VPS13B: variants seen among roughly 807,000 people sequenced by gnomAD.
VPS13B encodes the protein intermembrane lipid transfer protein VPS13B.
Under a neutral mutation model 426.4 loss-of-function variants are expected in VPS13B, and 285 were observed. The ratio of observed to expected loss-of-function variants is 0.67; its 90% CI spans 0.61 to 0.74. The LOEUF (loss-of-function observed/expected upper bound fraction) is 0.74, where lower values mean the gene tolerates loss of function less well. Among genes scored for constraint, VPS13B ranks in the 30% least tolerant of loss-of-function variants. The pLI, the probability that VPS13B is intolerant of heterozygous loss-of-function variation, is 0.00. For missense variants in VPS13B, 4,537 were observed against 4,782.6 expected, an observed-to-expected ratio of 0.95 and a Z score of 1.51; for synonymous variants, 1,676 against 1,676.4, an observed-to-expected ratio of 1.00 and a Z score of 0.01.
intron 7 of VPS13B, 38 bp downstream of exon 7, chr8:99,115,912 A>G: frequency 1.3e-6 from 2 of 1,598,524 alleles, no homozygotes; most frequent in South Asian, 2.2e-5. Flanking sequence ...CTTTATTTTA[A>G]GACTATTCTT....
chr8:99,503,905 T>C (rs1821362962), intron 27 of VPS13B, among the ~76,000 whole-genome samples: 1 of 152,252 alleles, frequency 6.6e-6, no homozygotes, highest in African/African-American at 2.4e-5. Flanking sequence ...TAATGGTGTC[T>C]ACAGTGGTGA....
At position 99,038,560 on chromosome 8, in the gene VPS13B, G is replaced by A. The variant is rs2132222228; in HGVS notation, c.285G>A (p.Gly95=). ...TMECILKLKD[G]IQDDHESCGS... ...AATGCATTTTGAAACTTAAGGATGGGATACAGGTAAGAAATTATTGAACCA... is the reference window on the plus strand; with the variant it reads ...AATGCATTTTGAAACTTAAGGATGGAATACAGGTAAGAAATTATTGAACCA... The change falls in exon 3 of 62, where the codon GGG becomes GGA. Residue 95 remains glycine, a synonymous_variant. Transcript: ENST00000357162. The A allele has an allele frequency of 6.2e-7, 1 of 1,611,896 alleles. No homozygotes were observed. Among genetic ancestry groups the A allele is most frequent in the Admixed American group, 1.7e-5 (1 of 59,964 alleles).
At chr8:99,772,167 C>T (rs1240330847) in intron 40 of VPS13B, among the ~76,000 whole-genome samples, 6 of 150,732 alleles carry the variant, frequency 4.0e-5, no homozygotes, top group Non-Finnish European at 5.9e-5. Context: ...CTCTCTATGT[C>T]GTATTGCCTA....
chr8:99,594,814 G>A (rs1038001369), intron 33 of VPS13B, among the ~76,000 whole-genome samples: 5 of 152,034 alleles, frequency 3.3e-5, no homozygotes, highest in Admixed American at 2.0e-4. Context: ...ACAGAAGGAT[G>A]TGTGTATCCC....
chr8:99,502,968 AAT>A lies in VPS13B; in HGVS notation c.4157+22_4157+23del. ...AGAAGCAGGTAAATAATGAATAATG[AAT>A]ATAAGAAAATCTGTATTTTTCTTTG... On this transcript the variant is annotated intron_variant, in intron 27 of 61. Coordinates refer to ENST00000357162, the MANE Select transcript of VPS13B (RefSeq NM_152564.5). The A allele has an allele frequency of 6.5e-7, 1 of 1,528,576 alleles. No homozygotes were observed. The highest frequency in any genetic ancestry group is 9.1e-7 in the Non-Finnish European group (1 of 1,104,826). 94.7% of individuals were successfully genotyped at this position (1,528,576 alleles called of 1,614,324 possible). A position where few individuals can be genotyped will look rare whatever the true frequency, so the allele number is the denominator to read the frequency against.
chr8:99,741,912 G>C (rs1296747960), intron 39 of VPS13B, among the ~76,000 whole-genome samples: 6 of 152,076 alleles, frequency 3.9e-5, no homozygotes, highest in Non-Finnish European at 8.8e-5. Context: ...ACAATTAAAA[G>C]AACTAGAGAA....
At chr8:99,309,106 A>C (rs1440003015) in intron 19 of VPS13B, among the ~76,000 whole-genome samples, 1 of 152,124 alleles carries the variant, frequency 6.6e-6, no homozygotes, top group South Asian at 2.1e-4. Flanking sequence ...AGTAGATTGC[A>C]AAAATTTTCT....
In VPS13B at chr8:99,812,660, T is replaced by C. The variant is rs556501935; in HGVS notation, c.8097+3130T>C. Among the ~76,000 whole-genome samples the C allele has an allele frequency of 1.6e-3, 246 of 152,364 alleles. 1 individual carries two copies. Among genetic ancestry groups the C allele is most frequent in the African/African-American group, 5.5e-3 (228 of 41,590 alleles). ...CTTTGTATGTTCTACAACTACTATG[T>C]ACACACATTTGCTTCCATGTTTCCC... On this transcript the variant is annotated intron_variant, in intron 44 of 61. Coordinates refer to ENST00000357162, the MANE Select transcript of VPS13B (RefSeq NM_152564.5).
At chr8:99,705,927 G>A (rs1003269725) in intron 36 of VPS13B, among the ~76,000 whole-genome samples, 3 of 152,066 alleles carry the variant, frequency 2.0e-5, no homozygotes, top group Non-Finnish European at 2.9e-5. Context: ...GCGATCTCAT[G>A]TGCTGTGGTG....
At chr8:99,536,605 G>T (rs1233447486) in intron 30 of VPS13B, 2 of 530,750 alleles carry the variant, frequency 3.8e-6, no homozygotes, top group Admixed American at 3.9e-5. Context: ...TTTGTATCCT[G>T]GGACCCCATT....
At chr8:99,331,921 A>C (rs1294903959) in intron 19 of VPS13B, among the ~76,000 whole-genome samples, 1 of 151,786 alleles carries the variant, frequency 6.6e-6, no homozygotes, top group Non-Finnish European at 1.5e-5. Flanking sequence ...TAGTAATTTA[A>C]GATAAAGGAA....
chr8:99,585,020 C>T (rs891501835), intron 33 of VPS13B, among the ~76,000 whole-genome samples: 3 of 152,084 alleles, frequency 2.0e-5, no homozygotes, highest in African/African-American at 7.2e-5. Context: ...GCCTAAACTT[C>T]ATTTAGATTA....
intron 19 of VPS13B, among the ~76,000 whole-genome samples, chr8:99,298,155 G>GGGCCTATTTATCTCTA (rs1820144230): frequency 1.3e-5 from 2 of 152,174 alleles, no homozygotes; most frequent in Non-Finnish European, 2.9e-5. Flanking sequence ...TAACTTTTCA[G>GGGCCTATTTATCTCTA]AGAGTTCCAG....
chr8:99,564,352 C>T (rs1267911528), intron 31 of VPS13B, among the ~76,000 whole-genome samples: 1 of 152,156 alleles, frequency 6.6e-6, no homozygotes, highest in Non-Finnish European at 1.5e-5. Context: ...ACAACCAACC[C>T]TCCTGAAGCA....
At chr8:99,334,035 T>C (rs1377473279) in intron 19 of VPS13B, among the ~76,000 whole-genome samples, 1 of 151,980 alleles carries the variant, frequency 6.6e-6, no homozygotes, top group African/African-American at 2.4e-5. Context: ...AAAATTCTTT[T>C]ACAAGCCTTT....
chr8:99,017,469 C>T (rs1272900039), intron 2 of VPS13B, among the ~76,000 whole-genome samples: 2 of 151,768 alleles, frequency 1.3e-5, no homozygotes, highest in Non-Finnish European at 2.9e-5. Context: ...ATTTTAGGTC[C>T]TTTGTATTTC....
chr8:99,326,964 G>A (rs1176195842), intron 19 of VPS13B, among the ~76,000 whole-genome samples: 1 of 152,166 alleles, frequency 6.6e-6, no homozygotes, highest in African/African-American at 2.4e-5. Flanking sequence ...TGTGAATTTA[G>A]ACTGCCATAA....
chr8:99,322,523 T>C (rs1181155893), intron 19 of VPS13B, among the ~76,000 whole-genome samples: 1 of 152,220 alleles, frequency 6.6e-6, no homozygotes, highest in Non-Finnish European at 1.5e-5. Flanking sequence ...TAAAAGTACA[T>C]TTTTAATTTG....
chr8:99,327,603 A>G (rs1032699407), intron 19 of VPS13B, among the ~76,000 whole-genome samples: 20 of 152,162 alleles, frequency 1.3e-4, no homozygotes, highest in South Asian at 2.1e-4. Context: ...AGGGCAGTCA[A>G]CACACTTCGG....
Sources: gnomAD v4.1 joint callset for allele counts (sites outside exome capture counted in the v4.1 genomes callset) on GRCh38, gnomAD v4.1.1 for gene constraint, MANE v1.5 for transcripts, NCBI Gene and HGNC (gene_info 2026-07-23, HGNC 2026-07-21) for gene names.